Variants in CAST observed in about 807,000 individuals in gnomAD.
CAST encodes the protein calpastatin.
In CAST, 76 loss-of-function variants were observed where a neutral mutation model predicts 119.6. That is an observed-to-expected ratio of 0.64 (90% confidence interval 0.53 to 0.77). The LOEUF (loss-of-function observed/expected upper bound fraction) is 0.77, where lower values mean the gene tolerates loss of function less well. Among genes scored for constraint, CAST ranks in the 30% least tolerant of loss-of-function variants. CAST has a pLI of 0.00. For synonymous variants in CAST, 319 were observed against 331.6 expected, an observed-to-expected ratio of 0.96 and a Z score of 0.41; for missense variants, 953 against 946.5, an observed-to-expected ratio of 1.01 and a Z score of -0.09.
the CAST span, among the ~76,000 whole-genome samples, chr5:96,083,066 C>T: frequency 2.0e-5 from 3 of 152,142 alleles, no homozygotes; most frequent in Non-Finnish European, 2.9e-5. Context: ...CAAGAGCCAT[C>T]GGTTTAGATT....
At chr5:96,625,464 T>A (rs1421171033) in intron 1 of CAST, among the ~76,000 whole-genome samples, 1 of 152,206 alleles carries the variant, frequency 6.6e-6, no homozygotes, top group African/African-American at 2.4e-5. Flanking sequence ...GGAGGCAGAA[T>A]TCTGTTCCCA....
the CAST span, among the ~76,000 whole-genome samples, chr5:96,300,144 T>A: frequency 6.6e-6 from 1 of 152,166 alleles, no homozygotes; most frequent in South Asian, 2.1e-4. Context: ...TTTTGTTGCC[T>A]ATATTTTTGG....
At chr5:96,602,567 A>ATGG (rs1747174987) in intron 1 of CAST, among the ~76,000 whole-genome samples, 1 of 152,226 alleles carries the variant, frequency 6.6e-6, no homozygotes, top group Non-Finnish European at 1.5e-5. Context: ...GCCTGGTCAC[A>ATGG]TGGTGAAACC....
At chr5:95,976,353 C>A in the CAST span, among the ~76,000 whole-genome samples, 3 of 152,104 alleles carry the variant, frequency 2.0e-5, no homozygotes, top group African/African-American at 7.2e-5. Flanking sequence ...TCTGTGTTAG[C>A]AACGGGGAGT....
the CAST span, among the ~76,000 whole-genome samples, chr5:96,414,166 G>T: frequency 1.3e-5 from 2 of 150,800 alleles, no homozygotes; most frequent in Non-Finnish European, 2.9e-5. Context: ...TCCCAGTTCT[G>T]CTCTTACCAG....
Position 96,766,036 on chromosome 5 carries a change from G to C in CAST, c.2038-17G>C. On this transcript the variant is annotated splice_polypyrimidine_tract_variant and intron_variant, in intron 26 of 31. Coordinates refer to ENST00000675179, the MANE Select transcript of CAST (RefSeq NM_001750.7). The stretch of plus-strand genomic sequence containing the variant: ...GAGGAAATGAATATTAATTCTATCT[G>C]CTCACTGTTGATATAGGAAAAAGCT... 1 of 1,358,246 alleles carries C rather than the reference G, an allele frequency of 7.4e-7. No homozygotes were observed. Among genetic ancestry groups the C allele is most frequent in the African/African-American group, 1.4e-5 (1 of 69,830 alleles). The allele number at this position is 1,358,246 out of a possible 1,614,324, so 84.1% of individuals were successfully genotyped here.
chr5:96,429,428 TG>T, the CAST span: 1 of 658,954 alleles, frequency 1.5e-6, no homozygotes, highest in Non-Finnish European at 2.7e-6. Context: ...AGCCCATTCC[TG>T]GTATCTGAAA....
chr5:96,440,584 A>G, the CAST span, among the ~76,000 whole-genome samples: 1 of 152,076 alleles, frequency 6.6e-6, no homozygotes, highest in Non-Finnish European at 1.5e-5. Flanking sequence ...GGAGGTGGGT[A>G]GGATAAATGG....
the CAST span, chr5:96,393,058 C>T: frequency 6.2e-7 from 1 of 1,614,060 alleles, no homozygotes; most frequent in Admixed American, 1.7e-5. Flanking sequence ...CGTCTCTGTG[C>T]TTGTAAGGTT....
chr5:96,677,043 AAAAAG>A (rs553788639), intron 2 of CAST, among the ~76,000 whole-genome samples: 347 of 151,970 alleles, frequency 2.3e-3, no homozygotes, highest in African/African-American at 4.7e-3. Context: ...ACAAAAAAAA[AAAAAG>A]AAAAGAAAAG....
At chr5:96,493,893 C>T in the CAST span, among the ~76,000 whole-genome samples, 3 of 152,018 alleles carry the variant, frequency 2.0e-5, no homozygotes, top group Admixed American at 2.0e-4. Context: ...AAATTAGTCA[C>T]TCACGGTGGT....
chr5:96,221,473 G>T, the CAST span, among the ~76,000 whole-genome samples: 1 of 151,910 alleles, frequency 6.6e-6, no homozygotes, highest in Non-Finnish European at 1.5e-5. Flanking sequence ...TAATGAAATA[G>T]CTGAAAAAGA....
intron 16 of CAST, 143 bp downstream of exon 16, chr5:96,742,899 G>A (rs2150527431): frequency 4.6e-6 from 3 of 650,462 alleles, no homozygotes; most frequent in Non-Finnish European, 8.4e-6. Context: ...TTATTGCTGA[G>A]TGGTTAGCAA....
chr5:96,446,511 T>C, the CAST span, among the ~76,000 whole-genome samples: 3 of 152,184 alleles, frequency 2.0e-5, no homozygotes, highest in African/African-American at 7.2e-5. Context: ...CCTTTCCTAC[T>C]CAGTCAGCAG....
At chr5:96,422,724 C>G in the CAST span, among the ~76,000 whole-genome samples, 1 of 152,116 alleles carries the variant, frequency 6.6e-6, no homozygotes, top group African/African-American at 2.4e-5. Flanking sequence ...GAAACACCAG[C>G]CTCCTGATCT....
chr5:96,251,317 A>G, the CAST span, among the ~76,000 whole-genome samples: 3 of 152,204 alleles, frequency 2.0e-5, no homozygotes, highest in Non-Finnish European at 4.4e-5. Flanking sequence ...AAGTCCATGT[A>G]TAAAGTTCTT....
rs767087154 is a variant in CAST at position 96,535,564 on chromosome 5, ATTTTTTTT to A, written c.60+5704_60+5711del. ...AATTTGAGTTTTATGTAAATAAACA[ATTTTTTTT>A]TTTTTTTTTTTTTTTTTTTGAGACG... On this transcript the variant is annotated intron_variant, in intron 1 of 11. Transcript: ENST00000505143. 1.5e-4 allele frequency among the ~76,000 whole-genome samples: 13 copies of A among 88,428 alleles called. No individual in the cohort carries two copies. In the East Asian group the frequency reaches 3.9e-3, roughly 26 times the overall value. 58.0% of individuals were successfully genotyped at this position (88,428 alleles called of 152,430 possible).
the CAST span, among the ~76,000 whole-genome samples, chr5:96,363,156 A>G: frequency 6.7e-6 from 1 of 148,572 alleles, no homozygotes. Context: ...GATGTGTGGT[A>G]TTATTTCTGA....
At chr5:96,377,455 A>C in the CAST span, among the ~76,000 whole-genome samples, 11 of 152,262 alleles carry the variant, frequency 7.2e-5, no homozygotes, top group South Asian at 1.0e-3. Flanking sequence ...CATTTTAACC[A>C]TGCCTTTTCT....
Sources: gnomAD v4.1 joint callset for allele counts (sites outside exome capture counted in the v4.1 genomes callset) on GRCh38, gnomAD v4.1.1 for gene constraint, MANE v1.5 for transcripts, NCBI Gene and HGNC (gene_info 2026-07-23, HGNC 2026-07-21) for gene names.